The following ERAP1 variants were observed in gnomAD, a reference collection of about 807,000 sequenced individuals.
ERAP1 encodes endoplasmic reticulum aminopeptidase 1, also known as adipocyte-derived leucine aminopeptidase.
A neutral mutation model predicts 103.7 loss-of-function variants in ERAP1; 86 were observed. The ratio of observed to expected loss-of-function variants is 0.83; its 90% CI spans 0.70 to 0.99. The LOEUF is 0.99. Ranked by LOEUF, ERAP1 falls within the 50% of genes least tolerant of loss-of-function variation. The probability of loss-of-function intolerance (pLI) is 0.00; values close to 1 mark genes in which losing one functional copy is unlikely to be tolerated. For synonymous variants in ERAP1, 398 were observed against 402.4 expected (o/e 0.99, Z 0.13); for missense variants, 1,009 against 1,128.4 (o/e 0.89, Z 1.52).
intron 3 of ERAP1, among the ~76,000 whole-genome samples, chr5:96,797,742 C>A (rs1777508247): frequency 6.6e-6 from 1 of 152,190 alleles, no homozygotes; most frequent in Non-Finnish European, 1.5e-5. Context: ...TCAAACAGTT[C>A]TACTCAATTT....
chr5:96,875,575 CT>C, the ERAP1 span, among the ~76,000 whole-genome samples: 11 of 151,422 alleles, frequency 7.3e-5, no homozygotes, highest in African/African-American at 2.7e-4. Flanking sequence ...AATCAACAGG[CT>C]TTGGTAACAA....
chr5:96,892,348 C>A, the ERAP1 span: 4 of 1,613,902 alleles, frequency 2.5e-6, no homozygotes, highest in East Asian at 2.2e-5. Flanking sequence ...AAAATTGGGG[C>A]CTCATTACAT....
chr5:96,839,719 T>A, the ERAP1 span, among the ~76,000 whole-genome samples: 1 of 152,234 alleles, frequency 6.6e-6, no homozygotes, highest in Non-Finnish European at 1.5e-5. Flanking sequence ...ACTGGACTTC[T>A]GTTAGCTCCT....
At chr5:96,930,173 C>T in the ERAP1 span, among the ~76,000 whole-genome samples, 6 of 152,186 alleles carry the variant, frequency 3.9e-5, no homozygotes, top group Admixed American at 3.9e-4. Context: ...AAAGATTCCA[C>T]CCCTAATATC....
chr5:96,873,407 T>A, the ERAP1 span: 2 of 456,072 alleles, frequency 4.4e-6, no homozygotes, highest in Admixed American at 4.7e-5. Flanking sequence ...CACAAACTTG[T>A]TAGCCTCAGA....
the ERAP1 span, among the ~76,000 whole-genome samples, chr5:96,872,465 A>T: frequency 6.6e-6 from 1 of 152,156 alleles, no homozygotes; most frequent in Admixed American, 6.6e-5. Context: ...CAAGTGTGGT[A>T]GTGCACACCT....
intron 4 of ERAP1, among the ~76,000 whole-genome samples, chr5:96,796,524 G>C (rs1224478996): frequency 6.6e-6 from 1 of 152,170 alleles, no homozygotes; most frequent in African/African-American, 2.4e-5. Context: ...CAACCTTAGA[G>C]ACCATTGCAG....
the ERAP1 span, among the ~76,000 whole-genome samples, chr5:96,823,421 G>T: frequency 4.6e-5 from 7 of 152,150 alleles, no homozygotes; most frequent in Non-Finnish European, 1.0e-4. Flanking sequence ...CGAGTCCACA[G>T]TATTTCTTGC....
At chr5:96,833,654 C>T in the ERAP1 span, among the ~76,000 whole-genome samples, 1 of 151,860 alleles carries the variant, frequency 6.6e-6, no homozygotes, top group Admixed American at 6.6e-5. Flanking sequence ...AGCAATTAGC[C>T]GAGCATGGTG....
Position 96,776,091 on chromosome 5 carries a change from T to G in ERAP1, c.*305A>C. On this transcript the variant is annotated 3_prime_UTR_variant, in exon 19 of 19. Coordinates refer to ENST00000443439, the MANE Select transcript of ERAP1 (RefSeq NM_001040458.3). ...ATGATAAACATGGGGTACAGGGTTT[T>G]GGACACGGGTGCTTAAGCATAAACT... is the stretch of plus-strand genomic sequence containing the variant. 1 of 1,303,770 alleles carries G rather than the reference T, an allele frequency of 7.7e-7. No homozygotes were observed. Among genetic ancestry groups the G allele is most frequent in the South Asian group, 1.4e-5 (1 of 73,628 alleles). 80.8% of individuals were successfully genotyped at this position (1,303,770 alleles called of 1,614,324 possible). A position where few individuals can be genotyped will look rare whatever the true frequency, so the allele number is the denominator to read the frequency against.
At chr5:96,879,200 G>T in the ERAP1 span, among the ~76,000 whole-genome samples, 1 of 152,056 alleles carries the variant, frequency 6.6e-6, no homozygotes, top group Non-Finnish European at 1.5e-5. Flanking sequence ...CTCCTGCCTG[G>T]GCAACAGAGC....
chr5:96,781,629 C>T, intron 16 of ERAP1, 64 bp downstream of exon 16: 1 of 1,605,210 alleles, frequency 6.2e-7, no homozygotes, highest in Non-Finnish European at 8.5e-7. Flanking sequence ...AAATAGATGC[C>T]AGAATGATCT....
downstream of ERAP1, chr5:96,774,192 A>C (rs1029346890): frequency 3.2e-5 from 5 of 153,894 alleles, no homozygotes; most frequent in African/African-American, 1.2e-4. Context: ...AAACCTTGAA[A>C]CCTTTGACAC....
chr5:96,879,905 A>G, the ERAP1 span: 1 of 1,614,134 alleles, frequency 6.2e-7, no homozygotes, highest in South Asian at 1.1e-5. Context: ...CAGTGTGGTC[A>G]TTCCTCTCCA....
At chr5:96,770,825 A>T (rs1772029951), downstream of ERAP1, among the ~76,000 whole-genome samples, 1 of 152,096 alleles carries the variant, frequency 6.6e-6, no homozygotes, top group South Asian at 2.1e-4. Context: ...TCTTGACACA[A>T]CCCAATTTGC....
At chr5:96,852,915 T>C in the ERAP1 span, among the ~76,000 whole-genome samples, 1 of 152,206 alleles carries the variant, frequency 6.6e-6, no homozygotes, top group Non-Finnish European at 1.5e-5. Context: ...AATTAACTTA[T>C]GATTCATCCA....
intron 15 of ERAP1, among the ~76,000 whole-genome samples, 182 bp downstream of exon 15, chr5:96,782,869 C>T (rs1775416372): frequency 6.6e-6 from 1 of 152,118 alleles, no homozygotes; most frequent in South Asian, 2.1e-4. Context: ...TAGAAGTTCC[C>T]TCCTAGCATT....
chr5:96,799,617 C>T (rs26613), intron 3 of ERAP1, among the ~76,000 whole-genome samples: 34,249 of 152,086 alleles, frequency 0.23, 3,911 homozygotes, highest in East Asian at 0.27. Flanking sequence ...CTGTCTCCTT[C>T]CCATCCCTGG....
At chr5:96,881,929 T>C in the ERAP1 span, among the ~76,000 whole-genome samples, 2 of 152,146 alleles carry the variant, frequency 1.3e-5, no homozygotes, top group Non-Finnish European at 2.9e-5. Context: ...TCTGGACTTG[T>C]TGCCTTCCTG....
Sources: allele counts gnomAD v4.1 joint callset (sites outside exome capture counted in the v4.1 genomes callset), GRCh38; gene constraint gnomAD v4.1.1; transcripts MANE v1.5; gene names NCBI Gene and HGNC (gene_info 2026-07-23, HGNC 2026-07-21).